Variants in DOCK9 observed in about 807,000 individuals in gnomAD.
The protein encoded by DOCK9 is dedicator of cytokinesis protein 9.
DOCK9 carries 89 observed loss-of-function variants against 263.3 expected under a neutral mutation model. That is an observed-to-expected ratio of 0.34 (90% CI 0.28 to 0.40). The LOEUF is 0.40. Ranked by LOEUF, DOCK9 falls within the 10% of genes least tolerant of loss-of-function variation. The pLI is 1.00. For synonymous variants in DOCK9, 976 were observed against 973.1 expected, an observed-to-expected ratio of 1.00 and a Z score of -0.06; for missense variants, 2,140 against 2,603.4, an observed-to-expected ratio of 0.82 and a Z score of 3.87.
chr13:98,941,666 C>A (rs2055874296), intron 2 of DOCK9, among the ~76,000 whole-genome samples: 1 of 152,138 alleles, frequency 6.6e-6, no homozygotes, highest in Non-Finnish European at 1.5e-5. Context: ...ACCCAGAAAA[C>A]CAGGAGTAGC....
chr13:98,876,922 G>C (rs1175598135), intron 27 of DOCK9, among the ~76,000 whole-genome samples: 4 of 152,218 alleles, frequency 2.6e-5, no homozygotes, highest in Non-Finnish European at 5.9e-5. Flanking sequence ...GCTTTCTCCT[G>C]TGGGATACCA....
chr13:98,978,295 T>C (rs2141551300), upstream of DOCK9, among the ~76,000 whole-genome samples: 1 of 152,354 alleles, frequency 6.6e-6, no homozygotes, highest in East Asian at 1.9e-4. Context: ...CAGTCACAGT[T>C]AGACTCCTTC....
chr13:98,917,853 G>A (rs1259418993), intron 7 of DOCK9, among the ~76,000 whole-genome samples: 1 of 152,092 alleles, frequency 6.6e-6, no homozygotes, highest in Non-Finnish European at 1.5e-5. Flanking sequence ...GCACCTTTGA[G>A]CCGGGGGTTC....
chr13:98,999,310 A>ACTCTCTCT (rs1385708574), intron 1 of DOCK9, among the ~76,000 whole-genome samples: 1,554 of 125,472 alleles, frequency 0.012, 21 homozygotes, highest in East Asian at 0.041. Context: ...ACACACACAC[A>ACTCTCTCT]CACACACTCT....
intron 50 of DOCK9, among the ~76,000 whole-genome samples, chr13:98,798,019 G>A (rs2089646182): frequency 6.6e-6 from 1 of 152,224 alleles, no homozygotes; most frequent in African/African-American, 2.4e-5. Context: ...GATGAAGTGA[G>A]CGTTTGCGGT....
Position 98,797,415 on chromosome 13 carries a change from T to C in DOCK9, c.5991A>G (p.Lys1997=), listed in dbSNP as rs1219788770. ...DTNTKRYPDN[K]VKLLKEVFRQ... is the part of the protein sequence containing the mutation. ...TGAAAACTTCCTTAAGCAGCTTCACTTTATTGTCAGGATATCGCTTTGTGT... is the reference window on the plus strand; with the variant it reads ...TGAAAACTTCCTTAAGCAGCTTCACCTTATTGTCAGGATATCGCTTTGTGT... Residue 1997 remains lysine, a synonymous_variant, in exon 51 of 53, where the codon AAA becomes AAG. Transcript: ENST00000682017. The C allele has an allele frequency of 6.2e-7, 1 of 1,613,720 alleles. No homozygotes were observed. Among genetic ancestry groups the C allele is most frequent in the Non-Finnish European group, 8.5e-7 (1 of 1,179,776 alleles).
chr13:98,836,304 G>T (rs2092997616), intron 39 of DOCK9, among the ~76,000 whole-genome samples: 1 of 152,166 alleles, frequency 6.6e-6, no homozygotes, highest in South Asian at 2.1e-4. Flanking sequence ...ACTGATACAG[G>T]TGTGCATGGC....
chr13:98,883,466 C>G (rs1266310921), intron 22 of DOCK9, among the ~76,000 whole-genome samples: 1 of 152,174 alleles, frequency 6.6e-6, no homozygotes, highest in East Asian at 1.9e-4. Context: ...AGGCTGGTCT[C>G]AAACCCCTGG....
chr13:98,910,287 A>C (rs1432914041), intron 9 of DOCK9, among the ~76,000 whole-genome samples: 2 of 152,232 alleles, frequency 1.3e-5, no homozygotes, highest in Non-Finnish European at 2.9e-5. Flanking sequence ...CGGTTTGTGT[A>C]TCAAACTAAA....
chr13:98,911,386 C>T (rs1489653459), intron 9 of DOCK9, among the ~76,000 whole-genome samples: 1 of 152,102 alleles, frequency 6.6e-6, no homozygotes, highest in Non-Finnish European at 1.5e-5. Flanking sequence ...GATCATCACA[C>T]ATTGTATACA....
At chr13:98,954,125 T>C (rs2057753815) in intron 2 of DOCK9, among the ~76,000 whole-genome samples, 1 of 152,088 alleles carries the variant, frequency 6.6e-6, no homozygotes, top group South Asian at 2.1e-4. Context: ...TTCTGTGGGA[T>C]GGGATTAGAA....
intron 1 of DOCK9, among the ~76,000 whole-genome samples, chr13:99,005,617 T>C (rs940989576): frequency 1.3e-5 from 2 of 152,156 alleles, no homozygotes; most frequent in African/African-American, 4.8e-5. Context: ...GAAAAATGGG[T>C]AGGAAATTGA....
intron 49 of DOCK9, among the ~76,000 whole-genome samples, chr13:98,802,678 A>C (rs577286794): frequency 6.6e-6 from 1 of 152,298 alleles, no homozygotes; most frequent in Admixed American, 6.5e-5. Context: ...GGTTTTTCAA[A>C]TGATTGCACA....
At chr13:98,872,856 C>T (rs1234613450) in intron 27 of DOCK9, among the ~76,000 whole-genome samples, 1 of 152,198 alleles carries the variant, frequency 6.6e-6, no homozygotes, top group Non-Finnish European at 1.5e-5. Flanking sequence ...TAATTAACTC[C>T]TGGCCCCACC....
intron 2 of DOCK9, among the ~76,000 whole-genome samples, chr13:98,952,750 A>T (rs2057589196): frequency 6.6e-6 from 1 of 152,228 alleles, no homozygotes; most frequent in South Asian, 2.1e-4. Context: ...GTACACAAGC[A>T]TCACCACTAT....
chr13:98,860,269 CA>C lies in DOCK9; in HGVS notation c.3697+135del, dbSNP rs995567751. 6 of 1,470,598 alleles carry C rather than the reference CA, an allele frequency of 4.1e-6. No homozygotes were observed. The African/African-American group carries it at 7.0e-5, about 17-fold the overall frequency. 91.1% of individuals were successfully genotyped at this position (1,470,598 alleles called of 1,614,324 possible). A position where few individuals can be genotyped will look rare whatever the true frequency, so the allele number is the denominator to read the frequency against. On this transcript the variant is annotated intron_variant, in intron 33 of 52. Transcript: ENST00000682017. ...GGTTTCAGTTGTTGACTATCACAAG[CA>C]GGAAAAGAATACTCAGGAAAGCAAC...
intron 15 of DOCK9, among the ~76,000 whole-genome samples, chr13:98,893,568 T>C (rs1480958519): frequency 2.0e-5 from 3 of 152,200 alleles, no homozygotes; most frequent in Non-Finnish European, 4.4e-5. Context: ...AAAAGGAAAG[T>C]GGCTTATGAG....
At chr13:98,869,578 G>T (rs147824536) in intron 27 of DOCK9, among the ~76,000 whole-genome samples, 2 of 152,164 alleles carry the variant, frequency 1.3e-5, no homozygotes. Context: ...CCACAAGAGG[G>T]GGGTATTTTC....
At chr13:98,945,798 C>G (rs1165373404) in intron 2 of DOCK9, among the ~76,000 whole-genome samples, 1 of 152,150 alleles carries the variant, frequency 6.6e-6, no homozygotes, top group African/African-American at 2.4e-5. Context: ...AAGATCCCTG[C>G]CTCCTGGAGT....
Sources: allele counts gnomAD v4.1 joint callset (sites outside exome capture counted in the v4.1 genomes callset), GRCh38; gene constraint gnomAD v4.1.1; transcripts MANE v1.5; gene names NCBI Gene and HGNC (gene_info 2026-07-23, HGNC 2026-07-21).